Variants in WWOX observed in about 807,000 individuals in gnomAD.
The protein encoded by WWOX is WW domain containing oxidoreductase.
WWOX carries 69 observed loss-of-function variants against 46.2 expected under a neutral mutation model. That is an observed-to-expected ratio of 1.49 (90% CI 1.23 to 1.82). The LOEUF (loss-of-function observed/expected upper bound fraction) is 1.82, where lower values mean the gene tolerates loss of function less well. Among genes scored for constraint, WWOX ranks in the 40% most tolerant of loss-of-function variants. The probability of loss-of-function intolerance (pLI) is 0.00; values close to 1 mark genes in which losing one functional copy is unlikely to be tolerated. For missense variants in WWOX, 919 were observed against 542.6 expected (o/e 1.69, Z -6.89); for synonymous variants, 359 against 202.6 (o/e 1.77, Z -6.56).
At chr16:78,901,438 T>C (rs2044828867) in intron 8 of WWOX, among the ~76,000 whole-genome samples, 1 of 152,204 alleles carries the variant, frequency 6.6e-6, no homozygotes, top group Non-Finnish European at 1.5e-5. Context: ...ACCACTTCTG[T>C]TTCATTTTCT....
intron 5 of WWOX, among the ~76,000 whole-genome samples, chr16:78,319,077 T>A (rs565457831): frequency 2.0e-5 from 3 of 152,212 alleles, no homozygotes; most frequent in Admixed American, 2.0e-4. Context: ...ATTGCCAGGA[T>A]TCCTAAAAGG....
chr16:78,390,275 T>C (rs1488905113), intron 6 of WWOX, among the ~76,000 whole-genome samples: 1 of 152,228 alleles, frequency 6.6e-6, no homozygotes, highest in Non-Finnish European at 1.5e-5. Flanking sequence ...AACTGTTACA[T>C]AATAGGATCA....
chr16:78,107,840 G>T (rs956541745), intron 1 of WWOX, among the ~76,000 whole-genome samples: 1 of 152,106 alleles, frequency 6.6e-6, no homozygotes, highest in African/African-American at 2.4e-5. Context: ...CATTTTAAGA[G>T]ATTATATAAA....
intron 6 of WWOX, among the ~76,000 whole-genome samples, chr16:78,420,464 T>C (rs1221312870): frequency 6.6e-6 from 1 of 152,130 alleles, no homozygotes; most frequent in African/African-American, 2.4e-5. Context: ...TGATATATGC[T>C]ACAACATGGA....
chr16:79,036,307 T>G (rs2047865269), intron 8 of WWOX, among the ~76,000 whole-genome samples: 2 of 152,210 alleles, frequency 1.3e-5, no homozygotes, highest in African/African-American at 4.8e-5. Flanking sequence ...GGCACCTCTT[T>G]TGGCTGAAAA....
intron 8 of WWOX, among the ~76,000 whole-genome samples, chr16:78,648,919 A>G (rs1231517611): frequency 2.6e-5 from 4 of 152,048 alleles, no homozygotes; most frequent in East Asian, 3.9e-4. Context: ...TTTTTCCCAC[A>G]TGGCTTTTCC....
At chr16:78,813,424 A>G (rs2051247344) in intron 8 of WWOX, among the ~76,000 whole-genome samples, 1 of 152,108 alleles carries the variant, frequency 6.6e-6, no homozygotes, top group South Asian at 2.1e-4. Context: ...AGAATGGAGG[A>G]TACTTGAGCT....
chr16:78,647,308 C>T (rs1303035869), intron 8 of WWOX, among the ~76,000 whole-genome samples: 1 of 152,086 alleles, frequency 6.6e-6, no homozygotes, highest in Non-Finnish European at 1.5e-5. Flanking sequence ...CTGGCCCGGC[C>T]CAGGCGAGGA....
intron 8 of WWOX, among the ~76,000 whole-genome samples, chr16:78,499,849 A>AAGG (rs2085017129): frequency 6.6e-6 from 1 of 152,158 alleles, no homozygotes. Flanking sequence ...CTTGAATTTC[A>AAGG]TGCCATGGAC....
intron 8 of WWOX, among the ~76,000 whole-genome samples, chr16:78,639,566 T>G (rs894601320): frequency 9.2e-6 from 1 of 108,414 alleles, no homozygotes; most frequent in Non-Finnish European, 1.8e-5. Flanking sequence ...GGGCACAGAT[T>G]GGATTTTTTT....
chr16:78,696,987 C>T (rs1348003864), intron 8 of WWOX, among the ~76,000 whole-genome samples: 1 of 152,164 alleles, frequency 6.6e-6, no homozygotes, highest in Non-Finnish European at 1.5e-5. Context: ...CTGAAAATGC[C>T]ATCAGTTCAT....
intron 8 of WWOX, among the ~76,000 whole-genome samples, chr16:78,874,229 A>G (rs1597091517): frequency 1.4e-5 from 2 of 146,542 alleles, no homozygotes; most frequent in Admixed American, 6.9e-5. Context: ...GCACTCTAGC[A>G]TGGGCGACAG....
chr16:78,994,483 C>A (rs533952711), intron 8 of WWOX: 1 of 152,128 alleles, frequency 6.6e-6, no homozygotes, highest in Non-Finnish European at 1.5e-5. Context: ...ATTATGACTC[C>A]GGCACCGAGG....
At position 79,132,494 on chromosome 16, in the gene WWOX, G is replaced by A. The variant is rs1001785395; in HGVS notation, c.1057-79114G>A. On this transcript the variant is annotated intron_variant, in intron 8 of 8. Transcript: ENST00000566780. ...CTTATTTGGGAGAGTTACTTGCCACGTTTCAGATGATTGGGAGGTAGTCTT... is the reference window on the plus strand; with the variant it reads ...CTTATTTGGGAGAGTTACTTGCCACATTTCAGATGATTGGGAGGTAGTCTT... Among the ~76,000 whole-genome samples the A allele has an allele frequency of 5.3e-5, 8 of 152,064 alleles. 1 individual carries two copies. Among genetic ancestry groups the A allele is most frequent in the Non-Finnish European group, 1.0e-4 (7 of 68,020 alleles).
intron 8 of WWOX, chr16:78,534,695 T>G (rs76968828): frequency 6.6e-6 from 1 of 152,016 alleles, no homozygotes; most frequent in South Asian, 2.1e-4. Context: ...AATATTGCTT[T>G]ACATCTTTTT....
intron 8 of WWOX, among the ~76,000 whole-genome samples, chr16:78,606,362 T>C (rs2151624570): frequency 6.6e-6 from 1 of 152,170 alleles, no homozygotes; most frequent in East Asian, 1.9e-4. Flanking sequence ...AATGTAGAAG[T>C]ACAAAGGAAA....
At chr16:79,063,968 G>T (rs925925767) in intron 8 of WWOX, among the ~76,000 whole-genome samples, 2 of 152,168 alleles carry the variant, frequency 1.3e-5, no homozygotes, top group African/African-American at 2.4e-5. Flanking sequence ...TAGAACCCCA[G>T]ATTTTCCTGG....
chr16:79,010,930 C>G (rs1418356115), intron 8 of WWOX, among the ~76,000 whole-genome samples: 1 of 151,688 alleles, frequency 6.6e-6, no homozygotes, highest in African/African-American at 2.4e-5. Flanking sequence ...GGAGGTCCTG[C>G]CATGGCTTTG....
chr16:78,441,185 G>A (rs1188622995), intron 8 of WWOX, among the ~76,000 whole-genome samples: 2 of 152,090 alleles, frequency 1.3e-5, no homozygotes, highest in African/African-American at 2.4e-5. Context: ...GCCTCCCAAA[G>A]TGCTGGGATT....
Sources: gnomAD v4.1 joint callset for allele counts (sites outside exome capture counted in the v4.1 genomes callset) on GRCh38, gnomAD v4.1.1 for gene constraint, MANE v1.5 for transcripts, NCBI Gene and HGNC (gene_info 2026-07-23, HGNC 2026-07-21) for gene names.